Variants in KCNH7 observed in about 807,000 individuals in gnomAD.
KCNH7 encodes voltage-gated inwardly rectifying potassium channel KCNH7.
A neutral mutation model predicts 120.8 loss-of-function variants in KCNH7; 49 were observed. That is an observed-to-expected ratio of 0.41 (90% confidence interval 0.32 to 0.51). The LOEUF (loss-of-function observed/expected upper bound fraction) is 0.51. Ranked by LOEUF, KCNH7 falls within the 20% of genes least tolerant of loss-of-function variation. KCNH7 has a pLI of 0.38. For synonymous variants in KCNH7, 547 were observed against 516.1 expected (o/e 1.06, Z -0.81); for missense variants, 1,097 against 1,446.6 (o/e 0.76, Z 3.92).
At chr2:162,428,468 C>A (rs1687942326) in intron 8 of KCNH7, among the ~76,000 whole-genome samples, 1 of 151,754 alleles carries the variant, frequency 6.6e-6, no homozygotes, top group Admixed American at 6.6e-5. Context: ...GGCTTGTCTA[C>A]TGGTAAATGT....
At chr2:162,551,488 G>A (rs1489261731) in intron 2 of KCNH7, among the ~76,000 whole-genome samples, 1 of 151,476 alleles carries the variant, frequency 6.6e-6, no homozygotes. Flanking sequence ...ATAATTTGAG[G>A]GGCACTTGAA....
intron 2 of KCNH7, among the ~76,000 whole-genome samples, chr2:162,776,062 G>A (rs1683223944): frequency 2.0e-5 from 3 of 152,304 alleles, no homozygotes; most frequent in Non-Finnish European, 4.4e-5. Flanking sequence ...TCAATTATTA[G>A]TAAAGCTAGT....
chr2:162,541,233 C>A (rs1692291634), intron 2 of KCNH7, among the ~76,000 whole-genome samples: 1 of 151,860 alleles, frequency 6.6e-6, no homozygotes, highest in Non-Finnish European at 1.5e-5. Flanking sequence ...AATTTGGGAA[C>A]AATTAGAGAA....
At chr2:162,744,268 AT>A (rs1387195142) in intron 2 of KCNH7, among the ~76,000 whole-genome samples, 1 of 152,200 alleles carries the variant, frequency 6.6e-6, no homozygotes, top group Non-Finnish European at 1.5e-5. Context: ...CAAAATACTC[AT>A]TGTCAAGGAG....
chr2:162,814,384 T>C (rs1317839179), intron 2 of KCNH7, among the ~76,000 whole-genome samples: 3 of 152,198 alleles, frequency 2.0e-5, no homozygotes, highest in African/African-American at 7.2e-5. Context: ...ATTATTGTTA[T>C]CTTGTTTTCC....
At chr2:162,711,372 C>T (rs1686924540) in intron 2 of KCNH7, among the ~76,000 whole-genome samples, 1 of 152,218 alleles carries the variant, frequency 6.6e-6, no homozygotes, top group South Asian at 2.1e-4. Context: ...CACTTGAAAA[C>T]AGTCTCTGAC....
At chr2:162,611,435 C>T (rs968829806) in intron 2 of KCNH7, among the ~76,000 whole-genome samples, 6 of 151,962 alleles carry the variant, frequency 3.9e-5, no homozygotes, top group Admixed American at 6.6e-5. Flanking sequence ...CTCTGCTCTC[C>T]GATACTCAGA....
At chr2:162,746,548 T>C (rs73014131) in intron 2 of KCNH7, among the ~76,000 whole-genome samples, 5,924 of 152,178 alleles carry the variant, frequency 0.039, 369 homozygotes, top group African/African-American at 0.13. Context: ...CACTTTTTTT[T>C]CCCTGACATA....
intron 6 of KCNH7, among the ~76,000 whole-genome samples, chr2:162,496,416 G>T (rs990996713): frequency 6.6e-6 from 1 of 152,086 alleles, no homozygotes; most frequent in Non-Finnish European, 1.5e-5. Flanking sequence ...GGGGATGGAG[G>T]GGAGCCACCT....
intron 2 of KCNH7, among the ~76,000 whole-genome samples, chr2:162,812,030 G>A (rs1296097629): frequency 6.6e-6 from 1 of 152,128 alleles, no homozygotes; most frequent in Admixed American, 6.5e-5. Context: ...TAGAAAAATT[G>A]TTTAAATTAT....
intron 2 of KCNH7, among the ~76,000 whole-genome samples, chr2:162,590,120 A>T (rs1296917135): frequency 6.6e-6 from 1 of 152,060 alleles, no homozygotes; most frequent in Admixed American, 6.6e-5. Flanking sequence ...GAGGGAAAGG[A>T]TATATACAAT....
At chr2:162,447,909 A>G (rs1476802167) in intron 6 of KCNH7, among the ~76,000 whole-genome samples, 2 of 152,092 alleles carry the variant, frequency 1.3e-5, no homozygotes, top group Middle Eastern at 3.2e-3. Context: ...AAATAGGCAA[A>G]GCTGCTTTTT....
intron 2 of KCNH7, among the ~76,000 whole-genome samples, chr2:162,670,470 CAAAAAAAAA>C (rs61610131): frequency 8.3e-5 from 4 of 48,244 alleles, no homozygotes; most frequent in Non-Finnish European, 1.5e-4. Context: ...CGAACTCTGT[CAAAAAAAAA>C]AAAAAAAAAA....
chr2:162,614,277 A>C (rs1048313041), intron 2 of KCNH7, among the ~76,000 whole-genome samples: 1 of 152,120 alleles, frequency 6.6e-6, no homozygotes, highest in Non-Finnish European at 1.5e-5. Context: ...AAGTTTTCAC[A>C]TGCTTACTCT....
intron 5 of KCNH7, among the ~76,000 whole-genome samples, chr2:162,509,590 T>A (rs1690995857): frequency 1.3e-5 from 2 of 151,622 alleles, no homozygotes; most frequent in Admixed American, 6.6e-5. Context: ...GCATAAGAAG[T>A]AATCATCAAA....
At chr2:162,590,940 C>T (rs1403295322) in intron 2 of KCNH7, among the ~76,000 whole-genome samples, 1 of 152,124 alleles carries the variant, frequency 6.6e-6, no homozygotes, top group Admixed American at 6.5e-5. Context: ...GCACCATGGC[C>T]TGGCCCTTGC....
chr2:162,477,317 AG>A (rs1019906499), intron 6 of KCNH7, among the ~76,000 whole-genome samples: 2 of 152,216 alleles, frequency 1.3e-5, no homozygotes, highest in African/African-American at 4.8e-5. Context: ...TCAACTGCCA[AG>A]GGGCAGGGAG....
At chr2:162,742,080 CA>C (rs1688157220) in intron 2 of KCNH7, among the ~76,000 whole-genome samples, 1 of 152,084 alleles carries the variant, frequency 6.6e-6, no homozygotes, top group Non-Finnish European at 1.5e-5. Context: ...ATTAAGACAT[CA>C]AAAGTTCTGC....
intron 2 of KCNH7, among the ~76,000 whole-genome samples, chr2:162,638,379 G>T (rs996949051): frequency 6.6e-6 from 1 of 151,982 alleles, no homozygotes; most frequent in African/African-American, 2.4e-5. Flanking sequence ...CATTTTATAT[G>T]CATTGCTGTT....
Sources: allele counts gnomAD v4.1 joint callset (sites outside exome capture counted in the v4.1 genomes callset), GRCh38; gene constraint gnomAD v4.1.1; transcripts MANE v1.5; gene names NCBI Gene and HGNC (gene_info 2026-07-23, HGNC 2026-07-21).